SOX6: variants seen among roughly 807,000 people sequenced by gnomAD.
SOX6 encodes the protein transcription factor SOX-6.
Under a neutral mutation model 97.8 loss-of-function variants are expected in SOX6, and 11 were observed. That is an observed-to-expected ratio of 0.11 (90% CI 0.07 to 0.19). The LOEUF (loss-of-function observed/expected upper bound fraction) is 0.19, where lower values mean the gene tolerates loss of function less well. Among genes scored for constraint, SOX6 ranks in the 10% least tolerant of loss-of-function variants. The pLI is 1.00. For missense variants in SOX6, 810 were observed against 1,039.5 expected (o/e 0.78, Z 3.04); for synonymous variants, 360 against 371.4 (o/e 0.97, Z 0.35).
intron 1 of SOX6, among the ~76,000 whole-genome samples, chr11:16,473,237 G>C (rs1292897974): frequency 2.0e-5 from 3 of 152,160 alleles, no homozygotes; most frequent in Non-Finnish European, 1.5e-5. Context: ...GATATTGCAG[G>C]TTTGGTCCAG....
intron 1 of SOX6, among the ~76,000 whole-genome samples, chr11:16,422,649 C>T (rs1859041662): frequency 6.6e-6 from 1 of 152,148 alleles, no homozygotes; most frequent in Non-Finnish European, 1.5e-5. Context: ...CACAAGGGTG[C>T]CCAGCTGAAG....
At chr11:16,364,724 T>A (rs626929) in intron 1 of SOX6, among the ~76,000 whole-genome samples, 11 of 151,542 alleles carry the variant, frequency 7.3e-5, no homozygotes, top group South Asian at 4.2e-4. Context: ...GTATTATCAC[T>A]CAGAATGACT....
chr11:16,207,968 T>A (rs1156678510), intron 4 of SOX6, among the ~76,000 whole-genome samples: 2 of 152,150 alleles, frequency 1.3e-5, no homozygotes, highest in Non-Finnish European at 2.9e-5. Context: ...AATACTAATT[T>A]ACAATTTTTG....
intron 4 of SOX6, among the ~76,000 whole-genome samples, chr11:16,539,977 G>C (rs1311010326): frequency 3.9e-5 from 6 of 152,170 alleles, no homozygotes; most frequent in Non-Finnish European, 5.9e-5. Flanking sequence ...TATGAGGCCA[G>C]CATCATCCTG....
At chr11:16,365,181 G>T (rs760432187) in intron 1 of SOX6, among the ~76,000 whole-genome samples, 10 of 151,962 alleles carry the variant, frequency 6.6e-5, no homozygotes, top group African/African-American at 1.9e-4. Context: ...AGGTTTGTGT[G>T]TATAGGAGAA....
chr11:15,981,371 T>C (rs77144337), intron 15 of SOX6, among the ~76,000 whole-genome samples: 1 of 152,234 alleles, frequency 6.6e-6, no homozygotes, highest in Non-Finnish European at 1.5e-5. Context: ...CATTGCTACA[T>C]GACTTCCAAA....
intron 4 of SOX6, among the ~76,000 whole-genome samples, chr11:16,546,389 A>G (rs892177833): frequency 1.3e-5 from 2 of 152,220 alleles, no homozygotes; most frequent in Non-Finnish European, 2.9e-5. Context: ...CCAAAACAGC[A>G]TAGTATTGAT....
chr11:16,369,519 T>C (rs1009895810), intron 1 of SOX6, among the ~76,000 whole-genome samples: 3 of 152,200 alleles, frequency 2.0e-5, no homozygotes, highest in Admixed American at 1.3e-4. Context: ...TGCCTGGAGA[T>C]AGAAAAGAGT....
chr11:16,046,449 A>G, intron 12 of SOX6, 65 bp downstream of exon 12: 1 of 1,577,254 alleles, frequency 6.3e-7, no homozygotes, highest in Non-Finnish European at 8.7e-7. Context: ...GGGAGCCTGG[A>G]AAGAACCAGA....
chr11:16,678,631 C>A (rs939782556), intron 3 of SOX6, among the ~76,000 whole-genome samples: 1 of 152,182 alleles, frequency 6.6e-6, no homozygotes, highest in Non-Finnish European at 1.5e-5. Context: ...GGATGGCAAG[C>A]TGAAACAGGG....
intron 3 of SOX6, among the ~76,000 whole-genome samples, chr11:16,235,487 C>T (rs908995366): frequency 1.3e-5 from 2 of 151,944 alleles, no homozygotes; most frequent in African/African-American, 4.8e-5. Context: ...TACTGCTTAC[C>T]ACTATTTATT....
chr11:16,331,128 G>T (rs1287340334), intron 2 of SOX6, among the ~76,000 whole-genome samples: 1 of 152,054 alleles, frequency 6.6e-6, no homozygotes, highest in East Asian at 1.9e-4. Context: ...TCTTCCTCAT[G>T]CTCTCCTCCT....
rs368038119 is a variant in SOX6 at position 16,214,746 on chromosome 11, AT to A, written c.535+19835del. Among the ~76,000 whole-genome samples, 824 of 131,198 alleles carry A rather than the reference AT, an allele frequency of 6.3e-3. 2 individuals carry two copies. Among genetic ancestry groups the A allele is most frequent in the South Asian group, 0.019 (77 of 4,064 alleles). 86.1% of individuals were successfully genotyped at this position (131,198 alleles called of 152,430 possible). A position where few individuals can be genotyped will look rare whatever the true frequency, so the allele number is the denominator to read the frequency against. ...GCTTCCCCCTCAAGCACTGGAACCAATTTTTTTTTTTTTTTTTTTTTGAGAC... is the reference window on the plus strand; with the variant it reads ...GCTTCCCCCTCAAGCACTGGAACCAATTTTTTTTTTTTTTTTTTTTGAGAC... On this transcript the variant is annotated intron_variant, in intron 4 of 15. Coordinates refer to ENST00000683767, the MANE Select transcript of SOX6 (RefSeq NM_001367873.1).
intron 3 of SOX6, among the ~76,000 whole-genome samples, chr11:16,289,961 T>C (rs144574422): frequency 2.0e-5 from 3 of 152,174 alleles, no homozygotes; most frequent in African/African-American, 7.2e-5. Context: ...AGATATAAAG[T>C]CTTTTAACAA....
At position 16,081,017 on chromosome 11, in the gene SOX6, A is replaced by G. The variant is rs906415567; in HGVS notation, c.1101+14979T>C. Among the ~76,000 whole-genome samples the G allele has an allele frequency of 2.0e-5, 3 of 152,216 alleles. No individual in the cohort carries two copies. The East Asian group carries it at 5.8e-4, about 29-fold the overall frequency. The stretch of plus-strand genomic sequence containing the variant: ...GGTGGGAGGATCACTTGTGCTCAGG[A>G]GTTCAAGGCTGAAGTGAGCTATGAT... On this transcript the variant is annotated intron_variant, in intron 9 of 15. Transcript: ENST00000683767.
At chr11:16,527,343 GAA>G (rs1861182227) in intron 4 of SOX6, among the ~76,000 whole-genome samples, 2 of 151,988 alleles carry the variant, frequency 1.3e-5, no homozygotes, top group South Asian at 4.2e-4. Flanking sequence ...CCTGCTCTGG[GAA>G]CAGTATTTAA....
At chr11:16,104,894 G>A (rs1849039205) in intron 7 of SOX6, among the ~76,000 whole-genome samples, 2 of 151,856 alleles carry the variant, frequency 1.3e-5, no homozygotes, top group African/African-American at 4.8e-5. Flanking sequence ...ATGAATCAAT[G>A]ATCAAAGACC....
chr11:16,066,049 G>A (rs1437357700), intron 9 of SOX6, among the ~76,000 whole-genome samples: 1 of 152,060 alleles, frequency 6.6e-6, no homozygotes, highest in African/African-American at 2.4e-5. Flanking sequence ...TATATAAGGA[G>A]CTCAAACAAC....
At chr11:16,644,269 A>T (rs1178288571) in intron 3 of SOX6, among the ~76,000 whole-genome samples, 1 of 152,154 alleles carries the variant, frequency 6.6e-6, no homozygotes, top group Non-Finnish European at 1.5e-5. Context: ...CAAACTCCAG[A>T]GCTCAAGATA....
Sources: gnomAD v4.1 joint callset for allele counts (sites outside exome capture counted in the v4.1 genomes callset) on GRCh38, gnomAD v4.1.1 for gene constraint, MANE v1.5 for transcripts, NCBI Gene and HGNC (gene_info 2026-07-23, HGNC 2026-07-21) for gene names.